PATL2: variants seen among roughly 807,000 people sequenced by gnomAD.
The protein encoded by PATL2 is protein PAT1 homolog 2.
PATL2 carries 73 observed loss-of-function variants against 77.0 expected under a neutral mutation model. The observed-to-expected ratio is 0.95, with a 90% CI of 0.78 to 1.15. The LOEUF (loss-of-function observed/expected upper bound fraction) is 1.15. Among genes scored for constraint, PATL2 ranks in the 50% most tolerant of loss-of-function variants. The probability of loss-of-function intolerance (pLI) is 0.00; values close to 1 mark genes in which losing one functional copy is unlikely to be tolerated. For missense variants in PATL2, 618 were observed against 655.4 expected (o/e 0.94, Z 0.62); for synonymous variants, 265 against 257.1 (o/e 1.03, Z -0.29).
intron 3 of PATL2, among the ~76,000 whole-genome samples, chr15:44,702,488 T>G (rs2086649955): frequency 6.6e-6 from 1 of 152,046 alleles, no homozygotes; most frequent in Admixed American, 6.5e-5. Flanking sequence ...TTTCATTTAT[T>G]TTTGCTCTCA....
intron 3 of PATL2, among the ~76,000 whole-genome samples, chr15:44,692,905 C>T (rs1237600155): frequency 6.6e-6 from 1 of 152,214 alleles, no homozygotes; most frequent in Non-Finnish European, 1.5e-5. Context: ...GTGCTGGGCC[C>T]ACATCACTGG....
intron 7 of PATL2, among the ~76,000 whole-genome samples, chr15:44,672,801 C>A (rs2085754938): frequency 6.6e-6 from 1 of 152,190 alleles, no homozygotes; most frequent in South Asian, 2.1e-4. Context: ...CCTCTGTCAT[C>A]CAGGCTGGAG....
intron 3 of PATL2, among the ~76,000 whole-genome samples, chr15:44,695,287 G>T (rs1421639815): frequency 6.6e-6 from 1 of 152,080 alleles, no homozygotes; most frequent in African/African-American, 2.4e-5. Flanking sequence ...ATGAAAAGCA[G>T]CCCCAAATTA....
At chr15:44,666,746 A>G (rs1364586214) in intron 16 of PATL2, 15 of 565,184 alleles carry the variant, frequency 2.7e-5, no homozygotes, top group Non-Finnish European at 4.3e-5. Flanking sequence ...CTTAAGAACT[A>G]TGAGGGGTTA....
intron 3 of PATL2, among the ~76,000 whole-genome samples, chr15:44,698,115 C>A (rs201377036): frequency 7.8e-6 from 1 of 129,002 alleles, no homozygotes. Context: ...TTTTAATTTT[C>A]ATGGGTACAT....
chr15:44,680,087 G>A (rs1237325569), intron 3 of PATL2, among the ~76,000 whole-genome samples: 1 of 152,128 alleles, frequency 6.6e-6, no homozygotes, highest in Non-Finnish European at 1.5e-5. Flanking sequence ...TCTGGGGGTG[G>A]GAAAGGCTCC....
At chr15:44,667,318 CA>C in intron 15 of PATL2, 115 bp from the exon 16 acceptor site, 1 of 746,296 alleles carries the variant, frequency 1.3e-6, no homozygotes, top group Non-Finnish European at 2.2e-6. Flanking sequence ...AGATAGAGCT[CA>C]AAATATCCAC....
intron 3 of PATL2, among the ~76,000 whole-genome samples, chr15:44,704,155 ATTT>A (rs374729545): frequency 3.7e-5 from 5 of 134,026 alleles, no homozygotes; most frequent in Non-Finnish European, 3.3e-5. Context: ...TGTCTGGCTA[ATTT>A]TTTTTTTTTT....
chr15:44,678,776 T>C (rs930773370), intron 3 of PATL2, among the ~76,000 whole-genome samples: 1 of 152,072 alleles, frequency 6.6e-6, no homozygotes, highest in East Asian at 1.9e-4. Flanking sequence ...TGAGACCCCA[T>C]CTCTATTAAA....
At chr15:44,667,846 G>A (rs1452709819) in intron 15 of PATL2, among the ~76,000 whole-genome samples, 2 of 152,170 alleles carry the variant, frequency 1.3e-5, no homozygotes, top group Non-Finnish European at 2.9e-5. Flanking sequence ...GGGAGGCTGA[G>A]GCAGGAGAAT....
At chr15:44,703,788 G>C (rs1043062297) in intron 3 of PATL2, among the ~76,000 whole-genome samples, 5 of 131,758 alleles carry the variant, frequency 3.8e-5, no homozygotes, top group African/African-American at 1.4e-4. Context: ...TTTGAATGGA[G>C]AGTTTAGTCC....
Position 44,669,121 on chromosome 15 carries a change from G to C in PATL2, c.1083C>G (p.Phe361Leu). 6.5e-7 allele frequency: 1 copy of C among 1,543,392 alleles called. No individual in the cohort carries two copies. ...QNNLEEAADG[F>L]LQVLSVRKGK... ...CCTTCCTCACAGAGAGCACCTGCAG[G>C]AAGCCATCTGCTGCCTCTCTGCAAG... Residue 361 changes from phenylalanine to leucine, a missense_variant, in exon 14 of 18, where the codon TTC becomes TTG. By Grantham distance (22) the Phe-to-Leu change is conservative (BLOSUM62 0). Transcript: ENST00000682850.
intron 6 of PATL2, among the ~76,000 whole-genome samples, chr15:44,673,665 T>TGC (rs1213479760): frequency 1.3e-5 from 2 of 152,176 alleles, no homozygotes; most frequent in African/African-American, 4.8e-5. Flanking sequence ...CTCTCTATAA[T>TGC]AGTCTTCTCT....
At chr15:44,709,572 A>T (rs2086809544) in intron 3 of PATL2, among the ~76,000 whole-genome samples, 1 of 152,156 alleles carries the variant, frequency 6.6e-6, no homozygotes, top group East Asian at 1.9e-4. Context: ...AGACTTCCCA[A>T]ATTTGCCATC....
At chr15:44,697,193 TC>T (rs1271457055) in intron 3 of PATL2, 2 of 152,284 alleles carry the variant, frequency 1.3e-5, no homozygotes, top group African/African-American at 4.8e-5. Flanking sequence ...CCTTTCTTTT[TC>T]TTCTCCTCTT....
chr15:44,665,924 C>T lies in PATL2; in HGVS notation c.*29G>A, dbSNP rs1355991878. On this transcript the variant is annotated 3_prime_UTR_variant, in exon 18 of 18. Coordinates refer to ENST00000682850, the MANE Select transcript of PATL2 (RefSeq NM_001387263.1). Reference sequence around the variant, plus strand: ...AGCTAGTGTCTGATGATTCAACTTCCCACATACACGTATTCCAGAACAAAC... The same window carrying T: ...AGCTAGTGTCTGATGATTCAACTTCTCACATACACGTATTCCAGAACAAAC... 1.1e-5 allele frequency: 17 copies of T among 1,550,314 alleles called. No homozygotes were observed. Among genetic ancestry groups the T allele is most frequent in the Admixed American group, 2.0e-5 (1 of 50,528 alleles).
At chr15:44,674,453 TGAGACATATATGTTCC>T (rs2085848944) in intron 5 of PATL2, 5 of 524,538 alleles carry the variant, frequency 9.5e-6, no homozygotes, top group Non-Finnish European at 1.7e-5. Flanking sequence ...CCCTTATTCA[TGAGACATATATGTTCC>T]GAGACCCCCA....
Position 44,673,322 on chromosome 15 carries a change from G to T in PATL2, c.359C>A (p.Ser120Tyr). The T allele has an allele frequency of 1.2e-5, 18 of 1,551,714 alleles. No individual in the cohort carries two copies. The highest frequency in any genetic ancestry group is 1.6e-5 in the Non-Finnish European group (18 of 1,146,976). ...PFWPTFPSTSSPAQHFGPRLP... is the reference protein window; with the variant it reads ...PFWPTFPSTSYPAQHFGPRLP... ...CCGAGGTCCAAAGTGCTGTGCTGGAGAGCTGGTGCTGGGAAATGTAGGCCA... is the reference window on the plus strand; with the variant it reads ...CCGAGGTCCAAAGTGCTGTGCTGGATAGCTGGTGCTGGGAAATGTAGGCCA... Residue 120 changes from serine (S) to tyrosine (Y), a missense_variant, in exon 7 of 18, where the codon TCT becomes TAT. Physicochemically the swap from Ser to Tyr is moderately radical, Grantham distance 144 (BLOSUM62 -2). Transcript: ENST00000682850.
chr15:44,702,926 G>A (rs1251832629), intron 3 of PATL2, among the ~76,000 whole-genome samples: 1 of 152,038 alleles, frequency 6.6e-6, no homozygotes, highest in Non-Finnish European at 1.5e-5. Context: ...AATGATCCAT[G>A]TGCTGAGGAG....
Sources: gnomAD v4.1 joint callset for allele counts (sites outside exome capture counted in the v4.1 genomes callset) on GRCh38, gnomAD v4.1.1 for gene constraint, MANE v1.5 for transcripts, NCBI Gene and HGNC (gene_info 2026-07-23, HGNC 2026-07-21) for gene names.